The following NELL1 variants were observed in gnomAD, a reference collection of about 807,000 sequenced individuals.
NELL1 encodes the protein protein kinase C-binding protein NELL1.
NELL1 carries 76 observed loss-of-function variants against 107.4 expected under a neutral mutation model. The observed-to-expected ratio is 0.71, with a 90% CI of 0.59 to 0.86. The LOEUF (loss-of-function observed/expected upper bound fraction) is 0.86. Ranked by LOEUF, NELL1 falls within the 40% of genes least tolerant of loss-of-function variation. The pLI is 0.00. For synonymous variants in NELL1, 353 were observed against 341.2 expected (o/e 1.03, Z -0.38); for missense variants, 1,024 against 1,005.5 (o/e 1.02, Z -0.25).
intron 14 of NELL1, among the ~76,000 whole-genome samples, chr11:21,305,820 A>G (rs762827592): frequency 1.1e-4 from 17 of 152,028 alleles, no homozygotes; most frequent in Non-Finnish European, 1.6e-4. Context: ...ACAAAACTAT[A>G]TAAAAGCTTT....
chr11:20,911,089 A>T (rs760328284), intron 5 of NELL1, among the ~76,000 whole-genome samples: 9 of 152,212 alleles, frequency 5.9e-5, no homozygotes, highest in Non-Finnish European at 4.4e-5. Context: ...GAGAGAGAAC[A>T]GTTCTTCCTA....
At chr11:21,316,607 T>C (rs1849885790) in intron 14 of NELL1, among the ~76,000 whole-genome samples, 1 of 152,146 alleles carries the variant, frequency 6.6e-6, no homozygotes, top group African/African-American at 2.4e-5. Flanking sequence ...CATACTTCTG[T>C]GGTGTCCAGA....
intron 15 of NELL1, among the ~76,000 whole-genome samples, chr11:21,405,850 C>A (rs370110388): frequency 3.9e-5 from 6 of 152,096 alleles, no homozygotes; most frequent in African/African-American, 1.4e-4. Context: ...CTGCCCCTTG[C>A]AATATCCAGG....
At chr11:20,927,692 T>C (rs183783199) in intron 8 of NELL1, among the ~76,000 whole-genome samples, 76 of 152,320 alleles carry the variant, frequency 5.0e-4, no homozygotes, top group African/African-American at 1.8e-3. Flanking sequence ...TAGGCAATGT[T>C]TGGAGTTTGA....
chr11:20,700,318 A>C (rs1854743270), intron 2 of NELL1, among the ~76,000 whole-genome samples: 1 of 151,892 alleles, frequency 6.6e-6, no homozygotes, highest in Non-Finnish European at 1.5e-5. Flanking sequence ...GTCTCTACTA[A>C]AAATACAAAA....
At chr11:20,795,018 A>G (rs1333588645) in intron 3 of NELL1, among the ~76,000 whole-genome samples, 1 of 152,210 alleles carries the variant, frequency 6.6e-6, no homozygotes, top group East Asian at 1.9e-4. Context: ...CACTGTTTCC[A>G]ATCTCTGCTA....
At chr11:21,153,272 A>G (rs1203989974) in intron 13 of NELL1, among the ~76,000 whole-genome samples, 1 of 152,082 alleles carries the variant, frequency 6.6e-6, no homozygotes, top group Admixed American at 6.6e-5. Flanking sequence ...CAGAAATGAG[A>G]AGCTCAGTTT....
At chr11:21,260,049 T>C (rs1858866413) in intron 14 of NELL1, 1 of 151,908 alleles carries the variant, frequency 6.6e-6, no homozygotes, top group Non-Finnish European at 1.5e-5. Context: ...AATACTATTC[T>C]AGATGTGGTG....
intron 15 of NELL1, among the ~76,000 whole-genome samples, chr11:21,503,633 G>A (rs1855205521): frequency 6.6e-6 from 1 of 152,118 alleles, no homozygotes; most frequent in East Asian, 1.9e-4. Flanking sequence ...GTCTTTCAGA[G>A]CAGCTCTAGG....
At chr11:21,238,147 G>C (rs1451533372) in intron 14 of NELL1, among the ~76,000 whole-genome samples, 1 of 151,952 alleles carries the variant, frequency 6.6e-6, no homozygotes, top group Non-Finnish European at 1.5e-5. Flanking sequence ...GATTACCATT[G>C]ACCAGGTTGC....
rs372696491 is a variant in NELL1, at chr11:20,978,159, C to A, written c.1300+17599C>A. On this transcript the variant is annotated intron_variant, in intron 12 of 19. Transcript: ENST00000357134. The stretch of plus-strand genomic sequence containing the variant: ...GGCTCACACATACTTAAACTTGTAT[C>A]TTTTTATACTGAATCCAGTTGTTTC... 3.9e-5 allele frequency among the ~76,000 whole-genome samples: 6 copies of A among 152,242 alleles called. No individual in the cohort carries two copies. In the South Asian group the frequency reaches 6.2e-4, roughly 16 times the overall value.
intron 2 of NELL1, among the ~76,000 whole-genome samples, chr11:20,753,304 G>A (rs1856185798): frequency 6.6e-6 from 1 of 152,190 alleles, no homozygotes; most frequent in Admixed American, 6.5e-5. Flanking sequence ...GCATAGGATA[G>A]CAGAGCCTAG....
At chr11:21,574,194 T>G (rs1175252235) in intron 19 of NELL1, among the ~76,000 whole-genome samples, 1 of 151,808 alleles carries the variant, frequency 6.6e-6, no homozygotes, top group Non-Finnish European at 1.5e-5. Flanking sequence ...AAACCCTGGC[T>G]CAGCTTCAAG....
chr11:21,110,509 T>C (rs965775554), intron 12 of NELL1, among the ~76,000 whole-genome samples: 3 of 152,088 alleles, frequency 2.0e-5, no homozygotes, highest in African/African-American at 7.2e-5. Flanking sequence ...CCTTCAAATC[T>C]AGATGAGGCA....
chr11:21,466,623 C>T (rs1854038849), intron 15 of NELL1, among the ~76,000 whole-genome samples: 1 of 152,028 alleles, frequency 6.6e-6, no homozygotes, highest in Admixed American at 6.6e-5. Flanking sequence ...AAAATCTTGC[C>T]TGGGACCCCA....
At chr11:21,289,824 T>C (rs1476061939) in intron 14 of NELL1, among the ~76,000 whole-genome samples, 2 of 152,118 alleles carry the variant, frequency 1.3e-5, no homozygotes, top group African/African-American at 4.8e-5. Flanking sequence ...CATCCGCCAT[T>C]ACTGAGGCTT....
At chr11:21,001,340 T>G (rs1852215573) in intron 12 of NELL1, among the ~76,000 whole-genome samples, 1 of 152,114 alleles carries the variant, frequency 6.6e-6, no homozygotes, top group Non-Finnish European at 1.5e-5. Context: ...GTGGATTCTG[T>G]CTTCCGCTTA....
chr11:20,987,214 C>T (rs1050842264), intron 12 of NELL1, among the ~76,000 whole-genome samples: 1 of 152,134 alleles, frequency 6.6e-6, no homozygotes, highest in Non-Finnish European at 1.5e-5. Context: ...CTTATTCCCC[C>T]TTTGAAACCA....
chr11:21,551,423 T>G (rs527440566), intron 16 of NELL1, among the ~76,000 whole-genome samples: 117 of 152,144 alleles, frequency 7.7e-4, no homozygotes, highest in African/African-American at 2.6e-3. Flanking sequence ...TTGTGCCAGT[T>G]TTCAAAGGGA....
Sources: allele counts gnomAD v4.1 joint callset (sites outside exome capture counted in the v4.1 genomes callset), GRCh38; gene constraint gnomAD v4.1.1; transcripts MANE v1.5; gene names NCBI Gene and HGNC (gene_info 2026-07-23, HGNC 2026-07-21).